The following XKR6 variants were observed in gnomAD, a reference collection of about 807,000 sequenced individuals.
The protein encoded by XKR6 is XK related 6.
XKR6 carries 22 observed loss-of-function variants against 56.7 expected under a neutral mutation model. That is an observed-to-expected ratio of 0.39 (90% CI 0.28 to 0.55). The LOEUF (loss-of-function observed/expected upper bound fraction) is 0.55. Ranked by LOEUF, XKR6 falls within the 20% of genes least tolerant of loss-of-function variation. XKR6 has a pLI of 0.66. For synonymous variants in XKR6, 524 were observed against 387.8 expected (o/e 1.35, Z -4.13); for missense variants, 852 against 889.0 (o/e 0.96, Z 0.53).
At chr8:11,135,285 T>C (rs752838803) in intron 1 of XKR6, among the ~76,000 whole-genome samples, 3 of 152,166 alleles carry the variant, frequency 2.0e-5, no homozygotes, top group Non-Finnish European at 4.4e-5. Context: ...AGTCTCAGCC[T>C]CCCAAAGTGC....
intron 1 of XKR6, among the ~76,000 whole-genome samples, chr8:10,944,035 C>T (rs903536017): frequency 9.2e-5 from 14 of 152,092 alleles, no homozygotes; most frequent in Admixed American, 2.0e-4. Context: ...GACCCTGCAC[C>T]CAGTCCCTTA....
intron 1 of XKR6, among the ~76,000 whole-genome samples, chr8:11,032,344 T>G (rs1046192620): frequency 1.3e-5 from 2 of 152,232 alleles, no homozygotes; most frequent in African/African-American, 4.8e-5. Flanking sequence ...AATGGCAGTT[T>G]TGCAGAGAGA....
At chr8:11,033,320 CGATAGT>C (rs1799043191) in intron 1 of XKR6, among the ~76,000 whole-genome samples, 1 of 140,650 alleles carries the variant, frequency 7.1e-6, no homozygotes, top group Non-Finnish European at 1.5e-5. Context: ...ATGATGATGA[CGATAGT>C]GATGGTGATG....
chr8:11,169,369 A>T (rs1470299499), intron 1 of XKR6, among the ~76,000 whole-genome samples: 3 of 152,216 alleles, frequency 2.0e-5, no homozygotes, highest in Admixed American at 1.3e-4. Context: ...CTAACAGTAT[A>T]CTTTGCCACC....
At chr8:11,094,545 G>A (rs1798207758) in intron 1 of XKR6, among the ~76,000 whole-genome samples, 1 of 152,062 alleles carries the variant, frequency 6.6e-6, no homozygotes, top group Non-Finnish European at 1.5e-5. Context: ...TGGATCAGAG[G>A]ACCTCAGAAA....
chr8:11,178,889 G>A (rs1181296761), intron 1 of XKR6, among the ~76,000 whole-genome samples: 11 of 151,460 alleles, frequency 7.3e-5, no homozygotes, highest in Non-Finnish European at 1.3e-4. Flanking sequence ...AGGTTGGAGA[G>A]TAGAGTGCAG....
chr8:11,028,633 C>T (rs1232311338), intron 1 of XKR6, among the ~76,000 whole-genome samples: 1 of 152,180 alleles, frequency 6.6e-6, no homozygotes, highest in Non-Finnish European at 1.5e-5. Context: ...TGGCCAGACC[C>T]CAGCCATCCA....
intron 1 of XKR6, among the ~76,000 whole-genome samples, chr8:11,177,672 T>C (rs1802728394): frequency 1.3e-5 from 2 of 152,156 alleles, no homozygotes; most frequent in Non-Finnish European, 2.9e-5. Flanking sequence ...ACAGCAGAGG[T>C]AGATGCTGAG....
At chr8:11,105,002 G>C (rs1798624748) in intron 1 of XKR6, 1 of 152,126 alleles carries the variant, frequency 6.6e-6, no homozygotes, top group African/African-American at 2.4e-5. Context: ...ACCACATTCG[G>C]TTTTTAAAAC....
chr8:11,001,996 G>T (rs1430267100), intron 1 of XKR6, among the ~76,000 whole-genome samples: 1 of 151,150 alleles, frequency 6.6e-6, no homozygotes, highest in African/African-American at 2.4e-5. Context: ...TGGGATTATA[G>T]AGATAAGTCT....
intron 1 of XKR6, among the ~76,000 whole-genome samples, chr8:10,975,711 C>T (rs555504728): frequency 1.3e-5 from 2 of 152,316 alleles, no homozygotes; most frequent in Admixed American, 1.3e-4. Context: ...GGCTGGGAGG[C>T]CAGAATTCAA....
intron 2 of XKR6, among the ~76,000 whole-genome samples, chr8:10,917,316 G>C (rs1361717400): frequency 6.6e-6 from 1 of 152,196 alleles, no homozygotes; most frequent in Non-Finnish European, 1.5e-5. Flanking sequence ...TGTTAAATGG[G>C]GAGAGGGGCT....
At chr8:11,171,452 C>G (rs79437262) in intron 1 of XKR6, among the ~76,000 whole-genome samples, 4,362 of 152,290 alleles carry the variant, frequency 0.029, 210 homozygotes, top group African/African-American at 0.1. Flanking sequence ...ATCTCCAGTA[C>G]TGGGGCCTGA....
chr8:11,103,227 T>C (rs529425261), intron 1 of XKR6, among the ~76,000 whole-genome samples: 1 of 152,200 alleles, frequency 6.6e-6, no homozygotes, highest in Non-Finnish European at 1.5e-5. Context: ...TTTGTTACAG[T>C]GACTTCCTAG....
In XKR6 at chr8:10,993,929, C is replaced by T. The variant is rs371117557; in HGVS notation, c.765-69099G>A. ...GTAGGGCCTGGAGTGAATTCTGCAG[C>T]TGCAGACCTGAACTCAGCAAACCTC... On this transcript the variant is annotated intron_variant, in intron 1 of 2. Coordinates refer to ENST00000416569, the MANE Select transcript of XKR6 (RefSeq NM_173683.4). 1.8e-4 allele frequency among the ~76,000 whole-genome samples: 28 copies of T among 152,344 alleles called. No individual in the cohort carries two copies. The East Asian group carries it at 1.9e-3, about 10-fold the overall frequency.
Position 10,898,402 on chromosome 8 carries a change from G to C in XKR6, c.1476C>G (p.Leu492=), listed in dbSNP as rs368038674. ...ISFVAGIAMM[L]LYYGVLHPTG... ...TGGGATGCAGCACGCCATAGTATAA[G>C]AGCATCATTGCGATCCCAGCCACAA... is the stretch of plus-strand genomic sequence containing the variant. The change falls in exon 3 of 3, where the codon CTC becomes CTG. Residue 492 remains leucine (L), a synonymous_variant. Coordinates refer to ENST00000416569, the MANE Select transcript of XKR6 (RefSeq NM_173683.4). This position sits in a 1 kb window ranked among gnomAD's most constrained non-coding sequence, Gnocchi z 6.6. 11 of 1,613,936 alleles carry C rather than the reference G, an allele frequency of 6.8e-6. No individual in the cohort carries two copies. The African/African-American group carries it at 1.1e-4, about 16-fold the overall frequency.
intron 1 of XKR6, among the ~76,000 whole-genome samples, chr8:11,016,904 G>A (rs554248917): frequency 1.0e-3 from 154 of 152,334 alleles, no homozygotes; most frequent in African/African-American, 3.6e-3. Context: ...GATCTTCAGC[G>A]AGCAAGTCAC....
intron 1 of XKR6, among the ~76,000 whole-genome samples, chr8:11,165,335 T>G (rs543503123): frequency 6.0e-4 from 92 of 152,176 alleles, no homozygotes; most frequent in African/African-American, 2.1e-3. Context: ...CCTGACCTCA[T>G]GATCTGCCCA....
At chr8:11,047,188 A>G (rs902445385) in intron 1 of XKR6, among the ~76,000 whole-genome samples, 3 of 152,204 alleles carry the variant, frequency 2.0e-5, no homozygotes, top group Non-Finnish European at 4.4e-5. Flanking sequence ...GGGAAGCTAC[A>G]CTAATTAGCT....
Sources: gnomAD v4.1 joint callset for allele counts (sites outside exome capture counted in the v4.1 genomes callset) on GRCh38, gnomAD v4.1.1 for gene constraint, Gnocchi (gnomAD v3.1) non-coding constraint, MANE v1.5 for transcripts, NCBI Gene and HGNC (gene_info 2026-07-23, HGNC 2026-07-21) for gene names.